SKAP1: variants seen among roughly 807,000 people sequenced by gnomAD.
SKAP1 encodes src kinase associated phosphoprotein 1.
Under a neutral mutation model 58.5 loss-of-function variants are expected in SKAP1, and 44 were observed. That is an observed-to-expected ratio of 0.75 (90% CI 0.59 to 0.97). SKAP1 has a LOEUF of 0.97. SKAP1 is among the 50% of genes least tolerant of loss of function. The pLI, the probability that SKAP1 is intolerant of heterozygous loss-of-function variation, is 0.00. For synonymous variants in SKAP1, 127 were observed against 149.7 expected (o/e 0.85, Z 1.11); for missense variants, 390 against 435.2 (o/e 0.90, Z 0.92).
rs563270134 is a variant in SKAP1, at chr17:48,384,691, C to T, written c.152+11989G>A. Among the ~76,000 whole-genome samples the T allele has an allele frequency of 9.9e-5, 15 of 152,284 alleles. 1 individual carries two copies. The East Asian group carries it at 2.5e-3, about 25-fold the overall frequency. On this transcript the variant is annotated intron_variant, in intron 2 of 12. Coordinates refer to ENST00000336915, the MANE Select transcript of SKAP1 (RefSeq NM_003726.4). ...ATGTAAACTCTAGACCAAGCACTGG[C>T]AAAGCAGAATGGCTTATAGATCATG... is the stretch of plus-strand genomic sequence containing the variant.
At chr17:48,441,024 T>G in the SKAP1 span, among the ~76,000 whole-genome samples, 1 of 152,228 alleles carries the variant, frequency 6.6e-6, no homozygotes, top group Non-Finnish European at 1.5e-5. Flanking sequence ...ATTCCATTTC[T>G]AATTCACATG....
chr17:48,294,068 T>G (rs1270501512), intron 4 of SKAP1, among the ~76,000 whole-genome samples: 1 of 152,200 alleles, frequency 6.6e-6, no homozygotes, highest in Non-Finnish European at 1.5e-5. Flanking sequence ...GTATTCACCT[T>G]CTGGTAACTC....
intron 4 of SKAP1, among the ~76,000 whole-genome samples, chr17:48,340,691 T>C (rs987086270): frequency 6.6e-6 from 1 of 151,938 alleles, no homozygotes; most frequent in Non-Finnish European, 1.5e-5. Flanking sequence ...CAAAACAAAC[T>C]AAAATAAAAA....
At chr17:48,150,270 A>G (rs2063884648) in intron 11 of SKAP1, among the ~76,000 whole-genome samples, 1 of 152,234 alleles carries the variant, frequency 6.6e-6, no homozygotes, top group African/African-American at 2.4e-5. Flanking sequence ...TCTGTTTTGT[A>G]ATTCTGAGGA....
At chr17:48,351,566 G>A (rs985663083) in intron 3 of SKAP1, among the ~76,000 whole-genome samples, 7 of 152,110 alleles carry the variant, frequency 4.6e-5, no homozygotes, top group Admixed American at 2.0e-4. Context: ...GTCAGGTAAA[G>A]AAAGTTTCCA....
At position 48,182,416 on chromosome 17, in the gene SKAP1, A is replaced by T; in HGVS notation, c.609T>A (p.Asp203Glu). ...TACCCTTTAACAAGAAACTTATTTGATCCACCCAGTCTCTGGCTTCTGCTG... is the reference window on the plus strand; with the variant it reads ...TACCCTTTAACAAGAAACTTATTTGTTCCACCCAGTCTCTGGCTTCTGCTG... ...TSPAEARDWV[D>E]QISFLLKDLS... Residue 203 changes from aspartate to glutamate, a missense_variant, in exon 8 of 13, where the codon GAT becomes GAA. By Grantham distance (45) the Asp-to-Glu change is conservative (BLOSUM62 2). Transcript: ENST00000336915. 6.2e-7 allele frequency: 1 copy of T among 1,609,596 alleles called. No homozygotes were observed. Among genetic ancestry groups the T allele is most frequent in the South Asian group, 1.1e-5 (1 of 90,386 alleles).
intron 3 of SKAP1, among the ~76,000 whole-genome samples, chr17:48,357,162 A>T (rs77945010): frequency 8.4e-4 from 128 of 152,330 alleles, no homozygotes; most frequent in African/African-American, 3.1e-3. Flanking sequence ...TGTATAGGGA[A>T]TACAGAAGGC....
intron 4 of SKAP1, among the ~76,000 whole-genome samples, chr17:48,230,934 G>T (rs1165733391): frequency 2.6e-5 from 4 of 152,180 alleles, no homozygotes; most frequent in Non-Finnish European, 5.9e-5. Flanking sequence ...TTATGATAAT[G>T]AAATGTATTA....
chr17:48,136,145 C>T (rs765165799), intron 12 of SKAP1, among the ~76,000 whole-genome samples: 1 of 151,798 alleles, frequency 6.6e-6, no homozygotes, highest in Non-Finnish European at 1.5e-5. Flanking sequence ...TGTGAAGTAC[C>T]CTTAAAGGAA....
intron 2 of SKAP1, among the ~76,000 whole-genome samples, chr17:48,369,104 G>A (rs373920617): frequency 1.1e-4 from 17 of 151,810 alleles, no homozygotes; most frequent in Admixed American, 7.2e-4. Context: ...CCGAGATCGC[G>A]CCATGCACTC....
intron 2 of SKAP1, among the ~76,000 whole-genome samples, chr17:48,374,062 T>C (rs991858409): frequency 3.3e-5 from 5 of 152,154 alleles, no homozygotes; most frequent in African/African-American, 1.2e-4. Context: ...TGAGACAGGG[T>C]CTTGCTCTGC....
At chr17:48,224,016 G>GAC (rs1199918447) in intron 4 of SKAP1, among the ~76,000 whole-genome samples, 3 of 126,158 alleles carry the variant, frequency 2.4e-5, no homozygotes, top group African/African-American at 5.9e-5. Flanking sequence ...GAGACAGAGA[G>GAC]AGAGAGAGAG....
intron 4 of SKAP1, among the ~76,000 whole-genome samples, chr17:48,247,954 G>A (rs2065315413): frequency 6.6e-6 from 1 of 152,134 alleles, no homozygotes; most frequent in Non-Finnish European, 1.5e-5. Context: ...GGTCTCCCCA[G>A]TAGAATGTAA....
chr17:48,372,786 G>A (rs556474834), intron 2 of SKAP1, among the ~76,000 whole-genome samples: 95 of 152,218 alleles, frequency 6.2e-4, no homozygotes, highest in African/African-American at 2.2e-3. Flanking sequence ...GACTATAGGT[G>A]TGCACCACCA....
chr17:48,258,146 C>A (rs1456155893), intron 4 of SKAP1, among the ~76,000 whole-genome samples: 1 of 152,048 alleles, frequency 6.6e-6, no homozygotes, highest in Non-Finnish European at 1.5e-5. Flanking sequence ...TGTCAGTATT[C>A]CCAAAAGGAC....
At chr17:48,292,064 C>T in intron 4 of SKAP1, among the ~76,000 whole-genome samples, 1 of 146,378 alleles carries the variant, frequency 6.8e-6, no homozygotes, top group African/African-American at 2.5e-5. Flanking sequence ...ATTATTTAAC[C>T]TTGGTATAAC....
intron 4 of SKAP1, among the ~76,000 whole-genome samples, chr17:48,310,259 A>T (rs1447372523): frequency 6.6e-6 from 1 of 152,184 alleles, no homozygotes; most frequent in African/African-American, 2.4e-5. Context: ...TTCTAGCCAA[A>T]GCCTTATATG....
At chr17:48,197,047 G>A (rs539852710) in intron 4 of SKAP1, among the ~76,000 whole-genome samples, 81 of 152,050 alleles carry the variant, frequency 5.3e-4, no homozygotes, top group Non-Finnish European at 4.0e-4. Context: ...TCACGAGGTC[G>A]GGAGTTTAAG....
chr17:48,358,617 A>G lies in SKAP1; in HGVS notation c.178+5172T>C, dbSNP rs191411428. Among the ~76,000 whole-genome samples, 10 of 152,294 alleles carry G rather than the reference A, an allele frequency of 6.6e-5. No individual in the cohort carries two copies. The East Asian group carries it at 1.7e-3, about 26-fold the overall frequency. On this transcript the variant is annotated intron_variant, in intron 3 of 12. Coordinates refer to ENST00000336915, the MANE Select transcript of SKAP1 (RefSeq NM_003726.4). ...TACATGGTGAGTTTCATGGCCCTAC[A>G]CCAGTGTTCAGCTATAATGAATGAA...
Sources: gnomAD v4.1 joint callset for allele counts (sites outside exome capture counted in the v4.1 genomes callset) on GRCh38, gnomAD v4.1.1 for gene constraint, MANE v1.5 for transcripts, NCBI Gene and HGNC (gene_info 2026-07-23, HGNC 2026-07-21) for gene names.